RABGAP1L: variants seen among roughly 807,000 people sequenced by gnomAD.
The protein encoded by RABGAP1L is RAB GTPase activating protein 1 like, also known as rab GTPase-activating protein 1-like.
A neutral mutation model predicts 137.7 loss-of-function variants in RABGAP1L; 63 were observed. The ratio of observed to expected loss-of-function variants is 0.46; its 90% confidence interval spans 0.37 to 0.56. The LOEUF (loss-of-function observed/expected upper bound fraction) is 0.56, where lower values mean the gene tolerates loss of function less well. Ranked by LOEUF, RABGAP1L falls within the 20% of genes least tolerant of loss-of-function variation. The probability of loss-of-function intolerance (pLI) is 0.00; values close to 1 mark genes in which losing one functional copy is unlikely to be tolerated. For synonymous variants in RABGAP1L, 431 were observed against 433.7 expected (o/e 0.99, Z 0.08); for missense variants, 1,095 against 1,244.0 (o/e 0.88, Z 1.80).
chr1:174,699,325 C>G (rs1162499992), intron 15 of RABGAP1L, among the ~76,000 whole-genome samples, 200 bp from the exon 16 acceptor site: 1 of 152,104 alleles, frequency 6.6e-6, no homozygotes, highest in African/African-American at 2.4e-5. Flanking sequence ...TGAATGACAA[C>G]ATGATTAAAA....
At chr1:174,175,808 A>G (rs1320865086) in intron 1 of RABGAP1L, among the ~76,000 whole-genome samples, 2 of 151,884 alleles carry the variant, frequency 1.3e-5, no homozygotes, top group Non-Finnish European at 2.9e-5. Context: ...GTATTTTTGT[A>G]GAAATGGAGT....
chr1:174,332,506 C>T (rs1285726099), intron 11 of RABGAP1L, among the ~76,000 whole-genome samples: 1 of 152,124 alleles, frequency 6.6e-6, no homozygotes, highest in Non-Finnish European at 1.5e-5. Flanking sequence ...AGCGATTCCC[C>T]TGCCTCAGCC....
intron 14 of RABGAP1L, among the ~76,000 whole-genome samples, chr1:174,650,074 T>C (rs1022371914): frequency 3.9e-5 from 6 of 152,200 alleles, no homozygotes; most frequent in Admixed American, 2.6e-4. Flanking sequence ...AGGCCTTTTC[T>C]GCATCTATTG....
chr1:174,353,115 T>A (rs1034221575), intron 11 of RABGAP1L, among the ~76,000 whole-genome samples: 4 of 152,180 alleles, frequency 2.6e-5, no homozygotes. Flanking sequence ...CCAAGTGCTC[T>A]TCATTCAGCA....
intron 13 of RABGAP1L, among the ~76,000 whole-genome samples, chr1:174,590,464 A>G (rs1179999350): frequency 1.9e-5 from 2 of 106,176 alleles, no homozygotes; most frequent in Non-Finnish European, 3.6e-5. Flanking sequence ...CGTGTCATCT[A>G]GCATTAGGTA....
chr1:174,230,348 G>A (rs997925965), intron 3 of RABGAP1L, among the ~76,000 whole-genome samples: 2 of 152,096 alleles, frequency 1.3e-5, no homozygotes, highest in Non-Finnish European at 2.9e-5. Flanking sequence ...ATATACGTAT[G>A]TAACAAACCT....
At chr1:174,838,109 A>G (rs1378721709) in intron 19 of RABGAP1L, among the ~76,000 whole-genome samples, 1 of 152,248 alleles carries the variant, frequency 6.6e-6, no homozygotes, top group South Asian at 2.1e-4. Context: ...GTGGTATAGC[A>G]TATGGACATT....
chr1:174,268,917 G>GT (rs1292894661), intron 7 of RABGAP1L, among the ~76,000 whole-genome samples: 1 of 151,848 alleles, frequency 6.6e-6, no homozygotes, highest in Non-Finnish European at 1.5e-5. Context: ...TTCATCATGA[G>GT]TTTTTTCTTT....
chr1:174,209,659 G>A (rs540731196), intron 1 of RABGAP1L, among the ~76,000 whole-genome samples: 3 of 152,298 alleles, frequency 2.0e-5, no homozygotes, highest in Admixed American at 2.0e-4. Context: ...CCCACCTGGG[G>A]CCCAGGGGAA....
At position 174,789,719 on chromosome 1, in the gene RABGAP1L, G is replaced by A. The variant is rs76871082; in HGVS notation, c.2212-22113G>A. On this transcript the variant is annotated intron_variant, in intron 18 of 25. Transcript: ENST00000681986. The stretch of plus-strand genomic sequence containing the variant: ...TGTGGTTGACTCTTGGTTGCTAAAG[G>A]AAACAGAGGTTCTAAGGCCCTGTAA... Among the ~76,000 whole-genome samples, 1,443 of 152,218 alleles carry A rather than the reference G, an allele frequency of 9.5e-3. 25 individuals carry two copies. Among genetic ancestry groups the A allele is most frequent in the African/African-American group, 0.033 (1,384 of 41,542 alleles).
chr1:174,309,970 C>T (rs1464460885), intron 11 of RABGAP1L, among the ~76,000 whole-genome samples: 1 of 152,092 alleles, frequency 6.6e-6, no homozygotes, highest in African/African-American at 2.4e-5. Context: ...TAGAATTCAG[C>T]GATGGAGCCA....
At chr1:174,958,390 A>G (rs577634610) in intron 20 of RABGAP1L, among the ~76,000 whole-genome samples, 2 of 152,162 alleles carry the variant, frequency 1.3e-5, no homozygotes, top group African/African-American at 4.8e-5. Context: ...TTTTTTTCCA[A>G]GTAAAATATT....
intron 4 of RABGAP1L, among the ~76,000 whole-genome samples, chr1:174,241,117 C>G (rs1317071215): frequency 6.6e-6 from 1 of 152,078 alleles, no homozygotes; most frequent in Non-Finnish European, 1.5e-5. Context: ...GTCAGGAGTT[C>G]AAGGCTAGCC....
chr1:174,460,345 C>T (rs899964490), intron 13 of RABGAP1L, among the ~76,000 whole-genome samples: 2 of 151,924 alleles, frequency 1.3e-5, no homozygotes, highest in Non-Finnish European at 2.9e-5. Context: ...GACTAAATTA[C>T]GCATAGTTCT....
At chr1:174,193,801 TAGG>T (rs1328894446) in intron 1 of RABGAP1L, among the ~76,000 whole-genome samples, 1 of 152,192 alleles carries the variant, frequency 6.6e-6, no homozygotes, top group Non-Finnish European at 1.5e-5. Context: ...TCATTTGAAA[TAGG>T]AGCTTTTAAA....
chr1:174,440,377 G>T (rs1571823051), intron 13 of RABGAP1L, among the ~76,000 whole-genome samples: 1 of 152,254 alleles, frequency 6.6e-6, no homozygotes, highest in Non-Finnish European at 1.5e-5. Context: ...ACAACTCAAG[G>T]CCACATTGGA....
At chr1:174,848,763 G>T (rs1268432885) in intron 19 of RABGAP1L, among the ~76,000 whole-genome samples, 27 of 149,118 alleles carry the variant, frequency 1.8e-4, no homozygotes, top group Non-Finnish European at 3.1e-4. Context: ...CACCCAGTTC[G>T]AGCTTCCCGG....
At chr1:174,711,872 C>T (rs1008351140) in intron 17 of RABGAP1L, among the ~76,000 whole-genome samples, 16 of 152,296 alleles carry the variant, frequency 1.1e-4, no homozygotes, top group East Asian at 5.8e-4. Flanking sequence ...GCTTCTGAGT[C>T]GGGTGGGAAC....
intron 1 of RABGAP1L, among the ~76,000 whole-genome samples, chr1:174,196,589 T>C (rs1667712501): frequency 1.3e-5 from 2 of 151,166 alleles, no homozygotes; most frequent in Non-Finnish European, 2.9e-5. Flanking sequence ...TTTTTTTTTT[T>C]CTCTTTACTG....
Sources: gnomAD v4.1 joint callset for allele counts (sites outside exome capture counted in the v4.1 genomes callset) on GRCh38, gnomAD v4.1.1 for gene constraint, MANE v1.5 for transcripts, NCBI Gene and HGNC (gene_info 2026-07-23, HGNC 2026-07-21) for gene names.